The following SIK3 variants were observed in gnomAD, a reference collection of about 807,000 sequenced individuals.
SIK3 encodes the protein SIK family kinase 3, also known as serine/threonine-protein kinase SIK3.
SIK3 carries 28 observed loss-of-function variants against 144.2 expected under a neutral mutation model. That is an observed-to-expected ratio of 0.19 (90% CI 0.14 to 0.27). The LOEUF (loss-of-function observed/expected upper bound fraction) is 0.27, where lower values mean the gene tolerates loss of function less well. SIK3 is among the 10% of genes least tolerant of loss of function. The pLI is 1.00. For synonymous variants in SIK3, 686 were observed against 676.3 expected (o/e 1.01, Z -0.22); for missense variants, 1,319 against 1,776.0 (o/e 0.74, Z 4.62).
At chr11:116,940,325 A>T (rs1181166918) in intron 3 of SIK3, among the ~76,000 whole-genome samples, 2 of 149,794 alleles carry the variant, frequency 1.3e-5, no homozygotes, top group African/African-American at 4.9e-5. Flanking sequence ...TGCCTCCCAT[A>T]TTCAAGTGAT....
At chr11:116,894,690 C>A (rs189583560) in intron 6 of SIK3, among the ~76,000 whole-genome samples, 8 of 152,294 alleles carry the variant, frequency 5.3e-5, no homozygotes, top group South Asian at 2.1e-4. Flanking sequence ...TCTTGTGTAT[C>A]TCATAGGGTT....
At chr11:117,040,778 C>T (rs1591593343) in intron 1 of SIK3, among the ~76,000 whole-genome samples, 2 of 152,206 alleles carry the variant, frequency 1.3e-5, no homozygotes, top group East Asian at 3.9e-4. Flanking sequence ...ACTTAAAGAT[C>T]CAAATAAAGA....
intron 1 of SIK3, among the ~76,000 whole-genome samples, chr11:116,985,786 T>C (rs992758500): frequency 1.2e-4 from 19 of 152,348 alleles, no homozygotes; most frequent in African/African-American, 4.3e-4. Flanking sequence ...TATAGTCTTC[T>C]AGTACAGATT....
At chr11:116,872,860 CTAT>C (rs1357794118) in intron 13 of SIK3, among the ~76,000 whole-genome samples, 2 of 152,094 alleles carry the variant, frequency 1.3e-5, no homozygotes, top group African/African-American at 4.8e-5. Context: ...TCTTATGGTA[CTAT>C]GAGATTGAAT....
At chr11:116,888,544 T>G (rs1944944602) in intron 6 of SIK3, among the ~76,000 whole-genome samples, 1 of 152,244 alleles carries the variant, frequency 6.6e-6, no homozygotes, top group Non-Finnish European at 1.5e-5. Flanking sequence ...CTGCTATGCC[T>G]TATCCTTTTG....
At chr11:116,947,759 G>T (rs985994965) in intron 3 of SIK3, among the ~76,000 whole-genome samples, 1 of 151,530 alleles carries the variant, frequency 6.6e-6, no homozygotes, top group African/African-American at 2.4e-5. Context: ...TAGAGACGGG[G>T]TTTCACCGTG....
intron 4 of SIK3, among the ~76,000 whole-genome samples, chr11:116,907,777 C>T (rs1946123814): frequency 6.6e-6 from 1 of 152,106 alleles, no homozygotes; most frequent in Admixed American, 6.5e-5. Flanking sequence ...AATACTGCGT[C>T]AAGTTTCTTT....
intron 3 of SIK3, among the ~76,000 whole-genome samples, chr11:116,952,852 T>G (rs1390165179): frequency 6.6e-6 from 1 of 152,258 alleles, no homozygotes; most frequent in Non-Finnish European, 1.5e-5. Flanking sequence ...TATACCTTCT[T>G]GACAAACAAT....
Position 116,867,145 on chromosome 11 carries a change from A to G in SIK3, c.1952+801T>C, listed in dbSNP as rs1488639257. On this transcript the variant is annotated intron_variant, in intron 15 of 24. Transcript: ENST00000445177. The surrounding 1 kb of genome is among the most constrained non-coding windows in gnomAD (Gnocchi z 4.1). ...GCTGCTTTTCAGTGTCCTCCCCAAAAGACAGAAATAAAATACGCTCTAGTA... is the reference window on the plus strand; with the variant it reads ...GCTGCTTTTCAGTGTCCTCCCCAAAGGACAGAAATAAAATACGCTCTAGTA... 6.6e-6 allele frequency among the ~76,000 whole-genome samples: 1 copy of G among 152,208 alleles called. No individual in the cohort carries two copies. Among genetic ancestry groups the G allele is most frequent in the Non-Finnish European group, 1.5e-5 (1 of 68,042 alleles).
chr11:116,986,405 A>G (rs1950326751), intron 1 of SIK3, among the ~76,000 whole-genome samples: 1 of 152,184 alleles, frequency 6.6e-6, no homozygotes, highest in South Asian at 2.1e-4. Flanking sequence ...TATTACCACT[A>G]ATACTGTTAG....
In SIK3 at chr11:116,873,629, G is replaced by C. The variant is rs777551575; in HGVS notation, c.1589C>G (p.Ser530Cys). 3 of 1,552,418 alleles carry C rather than the reference G, an allele frequency of 1.9e-6. No individual in the cohort carries two copies. The highest frequency in any genetic ancestry group is 4.1e-5 in the Admixed American group (2 of 49,226). ...PTGQLEYKEQSLLQPPTLQLL... is the reference protein window; with the variant it reads ...PTGQLEYKEQCLLQPPTLQLL... ...CTGTAGCGTGGGCGGCTGTAGGAGA[G>C]ACTGCTCCTGCCAGGAACAGAGTGG... Residue 530 changes from serine to cysteine, a missense_variant, in exon 13 of 25, where the codon TCT (serine) becomes TGT (cysteine). By Grantham distance (112) the Ser-to-Cys change is moderately radical. Transcript: ENST00000445177.
At chr11:116,894,004 C>T (rs1311707564) in intron 6 of SIK3, 1 of 167,100 alleles carries the variant, frequency 6.0e-6, no homozygotes, top group African/African-American at 2.4e-5. Flanking sequence ...AAAAAAGAAA[C>T]AAAATCATTA....
rs761382617 is a variant in SIK3 at position 116,900,371 on chromosome 11, T to C, written c.617-3054A>G. ...TCTACCACTGCAGTTCATACTCTTA[T>C]CATCCCTAGCTTGACTGATGCTATT... On this transcript the variant is annotated intron_variant, in intron 4 of 24. Coordinates refer to ENST00000445177, the MANE Select transcript of SIK3 (RefSeq NM_001366686.3). Among the ~76,000 whole-genome samples, 100 of 152,230 alleles carry C rather than the reference T, an allele frequency of 6.6e-4. 1 individual carries two copies. The highest frequency in any genetic ancestry group is 1.4e-3 in the Admixed American group (21 of 15,278).
intron 1 of SIK3, among the ~76,000 whole-genome samples, chr11:117,073,383 T>C (rs1954365575): frequency 6.6e-6 from 1 of 152,186 alleles, no homozygotes; most frequent in African/African-American, 2.4e-5. Flanking sequence ...GTGATTAGAA[T>C]TCTACTGTCC....
At chr11:116,854,977 T>TC (rs1380176726) in intron 21 of SIK3, among the ~76,000 whole-genome samples, 11 of 149,354 alleles carry the variant, frequency 7.4e-5, no homozygotes, top group Non-Finnish European at 4.4e-5. Flanking sequence ...TCCTAGCTAC[T>TC]TAGGAGGCTG....
intron 1 of SIK3, among the ~76,000 whole-genome samples, chr11:117,071,439 G>A (rs1013557985): frequency 1.1e-4 from 17 of 151,848 alleles, no homozygotes; most frequent in Non-Finnish European, 2.9e-5. Context: ...GTAACACTAG[G>A]ATAAACTGCA....
chr11:117,007,653 A>T (rs1021229343), intron 1 of SIK3, among the ~76,000 whole-genome samples: 2 of 152,234 alleles, frequency 1.3e-5, no homozygotes, highest in Non-Finnish European at 2.9e-5. Context: ...TCAGGGACTC[A>T]CAATTAATGT....
chr11:117,016,254 AGGC>A (rs1951517549), intron 1 of SIK3, among the ~76,000 whole-genome samples: 1 of 149,372 alleles, frequency 6.7e-6, no homozygotes, highest in South Asian at 2.1e-4. Flanking sequence ...CGAACCCAGG[AGGC>A]GGCCCTTGCA....
In SIK3 at chr11:116,938,619, AGGG is replaced by A. The variant is rs1199483509; in HGVS notation, c.455-11242_455-11240del. On this transcript the variant is annotated intron_variant, in intron 3 of 24. Transcript: ENST00000445177. Reference sequence around the variant, plus strand: ...AGGGGAGGAGAGGAGAGGAGAGGGGAGGGGAGGAGAGGAGAGGAGAGGAGAGGA... The same window carrying A: ...AGGGGAGGAGAGGAGAGGAGAGGGGAGAGGAGAGGAGAGGAGAGGAGAGGA... Among the ~76,000 whole-genome samples the A allele has an allele frequency of 1.9e-3, 83 of 43,814 alleles. 1 individual carries two copies. Among genetic ancestry groups the A allele is most frequent in the African/African-American group, 8.3e-3 (69 of 8,346 alleles). The allele number at this position is 43,814 out of a possible 152,430, so 28.7% of individuals were successfully genotyped here.
Sources: gnomAD v4.1 joint callset for allele counts (sites outside exome capture counted in the v4.1 genomes callset) on GRCh38, gnomAD v4.1.1 for gene constraint, Gnocchi (gnomAD v3.1) non-coding constraint, MANE v1.5 for transcripts, NCBI Gene and HGNC (gene_info 2026-07-23, HGNC 2026-07-21) for gene names.